The following MS4A6E variants were observed in gnomAD, a reference collection of about 807,000 sequenced individuals.
MS4A6E encodes the protein membrane-spanning 4-domains subfamily A member 6E.
A neutral mutation model predicts 13.2 loss-of-function variants in MS4A6E; 8 were observed. The ratio of observed to expected loss-of-function variants is 0.60; its 90% confidence interval spans 0.35 to 1.09. MS4A6E has a LOEUF of 1.09. MS4A6E is among the 50% of genes least tolerant of loss of function. MS4A6E has a pLI of 0.02. For missense variants in MS4A6E, 177 were observed against 171.1 expected (o/e 1.03, Z -0.19); for synonymous variants, 72 against 67.6 (o/e 1.06, Z -0.32).
At chr11:60,333,765 A>G (rs1260483333) in intron 1 of MS4A6E, among the ~76,000 whole-genome samples, 2 of 152,230 alleles carry the variant, frequency 1.3e-5, no homozygotes, top group Non-Finnish European at 2.9e-5. Flanking sequence ...ACCTGCAGGA[A>G]CAAGAGATAT....
At chr11:60,341,604 C>T (rs1180989823), downstream of MS4A6E, among the ~76,000 whole-genome samples, 2 of 152,132 alleles carry the variant, frequency 1.3e-5, no homozygotes, top group African/African-American at 4.8e-5. Context: ...CACGCACACA[C>T]ACACACACAC....
downstream of MS4A6E, among the ~76,000 whole-genome samples, chr11:60,344,998 A>G (rs1451915435): frequency 3.9e-5 from 6 of 152,042 alleles, no homozygotes; most frequent in East Asian, 1.2e-3. Context: ...GCAGTGGCAC[A>G]ATCTCGGCTC....
intron 1 of MS4A6E, among the ~76,000 whole-genome samples, chr11:60,329,710 T>C (rs921603067): frequency 6.6e-6 from 1 of 152,268 alleles, no homozygotes; most frequent in African/African-American, 2.4e-5. Flanking sequence ...TGGTATCTAT[T>C]GTGGTTTTGA....
intron 1 of MS4A6E, among the ~76,000 whole-genome samples, chr11:60,333,754 G>C (rs2085171355): frequency 6.6e-6 from 1 of 152,170 alleles, no homozygotes; most frequent in African/African-American, 2.4e-5. Context: ...TTTGCCCATG[G>C]ACCTGCAGGA....
chr11:60,347,078 A>T (rs950372493), intron 4 of MS4A6E, among the ~76,000 whole-genome samples: 1 of 152,154 alleles, frequency 6.6e-6, no homozygotes, highest in Non-Finnish European at 1.5e-5. Context: ...GTAAGAGTGA[A>T]GCAGGGAAAG....
chr11:60,346,622 G>A (rs867948418), intron 4 of MS4A6E, among the ~76,000 whole-genome samples: 4 of 152,130 alleles, frequency 2.6e-5, no homozygotes, highest in Non-Finnish European at 5.9e-5. Flanking sequence ...AAAAGGTTTG[G>A]CCCTAGTTCT....
intron 1 of MS4A6E, among the ~76,000 whole-genome samples, chr11:60,333,993 A>G (rs1405964181): frequency 6.6e-6 from 1 of 152,210 alleles, no homozygotes; most frequent in Non-Finnish European, 1.5e-5. Flanking sequence ...ACCCTGATAC[A>G]GTGAGACTCG....
intron 1 of MS4A6E, among the ~76,000 whole-genome samples, chr11:60,330,335 C>CTTTTTT (rs71036576): frequency 1.3e-4 from 8 of 61,166 alleles, no homozygotes; most frequent in African/African-American, 1.7e-4. Flanking sequence ...AATTTTGGCT[C>CTTTTTT]TTTTTTTTTT....
chr11:60,343,340 CT>C (rs767187385), downstream of MS4A6E, among the ~76,000 whole-genome samples: 1 of 151,756 alleles, frequency 6.6e-6, no homozygotes, highest in Admixed American at 6.6e-5. Context: ...TAAAAGGAAC[CT>C]TTTTTTTGCA....
chr11:60,334,821 T>C (rs2085177785), intron 1 of MS4A6E, 61 bp from the exon 2 acceptor site: 1 of 1,566,278 alleles, frequency 6.4e-7, no homozygotes, highest in African/African-American at 1.4e-5. Flanking sequence ...CTTACCAGTT[T>C]TGCAGCCAGA....
downstream of MS4A6E, among the ~76,000 whole-genome samples, chr11:60,341,597 GCACA>G (rs61458299): frequency 1.4e-3 from 209 of 150,478 alleles, no homozygotes; most frequent in Middle Eastern, 3.5e-3. Flanking sequence ...GCACACACAC[GCACA>G]CACACACACA....
At chr11:60,334,751 A>G (rs548308083) in intron 1 of MS4A6E, 131 bp from the exon 2 acceptor site, 64 of 962,916 alleles carry the variant, frequency 6.6e-5, no homozygotes, top group Non-Finnish European at 9.2e-5. Context: ...TCACTGCTCC[A>G]TAATATCAGT....
chr11:60,347,706 G>T (rs914610415), intron 4 of MS4A6E, among the ~76,000 whole-genome samples: 5 of 152,062 alleles, frequency 3.3e-5, no homozygotes, highest in African/African-American at 1.2e-4. Flanking sequence ...CCAGCACCTT[G>T]TTAAATGTGC....
chr11:60,343,515 T>C (rs984590503), downstream of MS4A6E, among the ~76,000 whole-genome samples: 5 of 152,204 alleles, frequency 3.3e-5, no homozygotes, highest in South Asian at 2.1e-4. Context: ...GGTGGTGTAG[T>C]AGATAATTTA....
At chr11:60,339,719 A>G in intron 3 of MS4A6E, 147 bp from the exon 4 acceptor site, 2 of 681,306 alleles carry the variant, frequency 2.9e-6, no homozygotes, top group Non-Finnish European at 5.3e-6. Context: ...GACAATTGTG[A>G]GGAGGAGCAG....
chr11:60,342,144 AGTGTGTGTGTGTGTGTGT>A (rs757687887), downstream of MS4A6E, among the ~76,000 whole-genome samples: 1 of 125,412 alleles, frequency 8.0e-6, no homozygotes, highest in Non-Finnish European at 1.7e-5. Flanking sequence ...AGGATAAACA[AGTGTGTGTGTGTGTGTGT>A]GTGTGTGTGT....
At chr11:60,345,300 G>A (rs2085251607), downstream of MS4A6E, among the ~76,000 whole-genome samples, 1 of 152,204 alleles carries the variant, frequency 6.6e-6, no homozygotes, top group Admixed American at 6.5e-5. Flanking sequence ...ATGGCACCAT[G>A]AGCATGGAGA....
At chr11:60,344,327 T>G (rs1183695871), downstream of MS4A6E, among the ~76,000 whole-genome samples, 3 of 152,226 alleles carry the variant, frequency 2.0e-5, no homozygotes, top group Non-Finnish European at 4.4e-5. Flanking sequence ...TGGATGCCCT[T>G]CATCTTTGGC....
At chr11:60,346,798 C>G (rs2085257786) in intron 4 of MS4A6E, among the ~76,000 whole-genome samples, 1 of 152,104 alleles carries the variant, frequency 6.6e-6, no homozygotes, top group South Asian at 2.1e-4. Flanking sequence ...CCTTTTCAGT[C>G]TACTATAAAA....
Sources: gnomAD v4.1 joint callset for allele counts (sites outside exome capture counted in the v4.1 genomes callset) on GRCh38, gnomAD v4.1.1 for gene constraint, MANE v1.5 for transcripts, NCBI Gene and HGNC (gene_info 2026-07-23, HGNC 2026-07-21) for gene names.